The following TRIM27 variants were observed in gnomAD, a reference collection of about 807,000 sequenced individuals.
TRIM27 encodes tripartite motif containing 27, also known as zinc finger protein RFP.
Under a neutral mutation model 57.6 loss-of-function variants are expected in TRIM27, and 12 were observed. The observed-to-expected ratio is 0.21, with a 90% CI of 0.13 to 0.34. The LOEUF is 0.34. Ranked by LOEUF, TRIM27 falls within the 10% of genes least tolerant of loss-of-function variation. The probability of loss-of-function intolerance (pLI) is 1.00; values close to 1 mark genes in which losing one functional copy is unlikely to be tolerated. For missense variants in TRIM27, 403 were observed against 656.8 expected (o/e 0.61, Z 4.22); for synonymous variants, 266 against 259.0 (o/e 1.03, Z -0.26).
intron 3 of TRIM27, among the ~76,000 whole-genome samples, chr6:28,916,131 G>A (rs1773583521): frequency 2.0e-5 from 3 of 152,030 alleles, no homozygotes; most frequent in African/African-American, 7.2e-5. Context: ...TGGCCAGGCT[G>A]GTCTCGAACT....
chr6:28,919,837 C>A (rs570579504), intron 3 of TRIM27, among the ~76,000 whole-genome samples, 175 bp downstream of exon 3: 1 of 152,332 alleles, frequency 6.6e-6, no homozygotes, highest in South Asian at 2.1e-4. Flanking sequence ...GTTGTGTGAA[C>A]CAGAACTTCT....
chr6:28,920,560 G>A (rs1185841999), intron 2 of TRIM27, among the ~76,000 whole-genome samples: 1 of 152,174 alleles, frequency 6.6e-6, no homozygotes, highest in African/African-American at 2.4e-5. Flanking sequence ...CATCTTCACA[G>A]AAGCAATTTC....
chr6:28,918,845 C>T (rs1773812400), intron 3 of TRIM27, among the ~76,000 whole-genome samples: 1 of 151,850 alleles, frequency 6.6e-6, no homozygotes. Flanking sequence ...CACTGCACTC[C>T]AGCCTGGGCA....
chr6:28,922,097 G>A, intron 1 of TRIM27, 110 bp from the exon 2 acceptor site: 1 of 830,534 alleles, frequency 1.2e-6, no homozygotes, highest in Middle Eastern at 2.2e-4. Context: ...GTCTCCAGTT[G>A]GCGCTTGTCC....
intron 6 of TRIM27, 98 bp from the exon 7 acceptor site, chr6:28,907,360 C>T (rs1487851143): frequency 8.6e-7 from 1 of 1,162,826 alleles, no homozygotes; most frequent in Non-Finnish European, 1.3e-6. Flanking sequence ...GCAGTGGTCT[C>T]CACCAGAAAC....
At chr6:28,918,227 T>G (rs1207912281) in intron 3 of TRIM27, among the ~76,000 whole-genome samples, 1 of 152,178 alleles carries the variant, frequency 6.6e-6, no homozygotes, top group Non-Finnish European at 1.5e-5. Context: ...AACTTCTAGT[T>G]TCTTTAACCA....
rs1454983631 is a variant in TRIM27 at position 28,923,435 on chromosome 6, C to G, written c.198G>C (p.Arg66=). ...TCACGTTGGCCAGGTGCCGGTTGGG[C>G]CGCATGTGCCTCTGCGGGAAGGTCT... ...CRETFPQRHM[R]PNRHLANVTQ... The change falls in exon 1 of 8, where the codon CGG becomes CGC. Residue 66 remains arginine (R), a synonymous_variant. Transcript: ENST00000377199. 1.2e-6 allele frequency: 2 copies of G among 1,612,156 alleles called. No individual in the cohort carries two copies. The highest frequency in any genetic ancestry group is 3.3e-5 in the Admixed American group (2 of 59,978).
chr6:28,920,294 G>C, intron 2 of TRIM27, 52 bp from the exon 3 acceptor site: 1 of 1,466,604 alleles, frequency 6.8e-7, no homozygotes. Flanking sequence ...TCATTTCTAG[G>C]GCCTTCATAG....
At chr6:28,912,437 T>C (rs1481692240) in intron 3 of TRIM27, among the ~76,000 whole-genome samples, 1 of 151,728 alleles carries the variant, frequency 6.6e-6, no homozygotes, top group Non-Finnish European at 1.5e-5. Context: ...AAAAGTAGCA[T>C]ACTCTTGTCA....
chr6:28,917,438 C>T (rs999304556), intron 3 of TRIM27, among the ~76,000 whole-genome samples: 6 of 151,762 alleles, frequency 4.0e-5, no homozygotes, highest in Non-Finnish European at 5.9e-5. Flanking sequence ...ATTAGCTGGG[C>T]GTGGTGGCAC....
At chr6:28,908,462 T>C (rs1772938946) in intron 6 of TRIM27, 1 of 258,354 alleles carries the variant, frequency 3.9e-6, no homozygotes, top group Non-Finnish European at 7.4e-6. Context: ...ACTCAGTAAA[T>C]TACAATGATA....
intron 4 of TRIM27, among the ~76,000 whole-genome samples, chr6:28,911,037 C>T (rs1773165079): frequency 6.6e-6 from 1 of 152,078 alleles, no homozygotes; most frequent in African/African-American, 2.4e-5. Flanking sequence ...GTACAGCTTC[C>T]TCAAAGTCAG....
At chr6:28,908,429 A>G in intron 6 of TRIM27, 1 of 203,266 alleles carries the variant, frequency 4.9e-6, no homozygotes, top group East Asian at 1.2e-4. Flanking sequence ...CCGAGCTGGC[A>G]CCTGTGCCCA....
Position 28,921,873 on chromosome 6 carries a change from G to A in TRIM27, c.516+19C>T. The A allele has an allele frequency of 6.3e-7, 1 of 1,598,646 alleles. No individual in the cohort carries two copies. Among genetic ancestry groups the A allele is most frequent in the Non-Finnish European group, 8.6e-7 (1 of 1,167,120 alleles). On this transcript the variant is annotated intron_variant, in intron 2 of 7. Coordinates refer to ENST00000377199, the MANE Select transcript of TRIM27 (RefSeq NM_006510.5). ...GGAGAGCACCAGCAGAACCAACTGT[G>A]AATTCCAACAACCCTTACCAAGAGT...
chr6:28,912,295 A>T (rs964515950), intron 3 of TRIM27, among the ~76,000 whole-genome samples: 1 of 152,116 alleles, frequency 6.6e-6, no homozygotes, highest in African/African-American at 2.4e-5. Flanking sequence ...TTTTTAGCAC[A>T]GACAGCATTT....
At chr6:28,915,312 A>G (rs1773521617) in intron 3 of TRIM27, 1 of 150,692 alleles carries the variant, frequency 6.6e-6, no homozygotes, top group Non-Finnish European at 1.5e-5. Context: ...AAAAAAAAAA[A>G]AAAAAGAAGC....
chr6:28,904,274 C>G lies in TRIM27; in HGVS notation c.1338G>C (p.Glu446Asp). The change falls in exon 8 of 8, where the codon GAG (glutamate) becomes GAC (aspartate). Residue 446 changes from glutamate to aspartate, a missense_variant. Transcript: ENST00000377199. This position sits in a 1 kb window ranked among gnomAD's most constrained non-coding sequence, Gnocchi z 6.1. ...TCTCTGTCACGTTGTAGAAGGAGAC[C>G]TCACCAGCATCATAGTCCAAGAAAA... ...VGIFLDYDAGEVSFYNVTERC... is the reference protein window; with the variant it reads ...VGIFLDYDAGDVSFYNVTERC... 6.2e-7 allele frequency: 1 copy of G among 1,613,102 alleles called. No individual in the cohort carries two copies. The highest frequency in any genetic ancestry group is 8.5e-7 in the Non-Finnish European group (1 of 1,180,024).
rs1273141244 is a variant in TRIM27, at chr6:28,923,726, T to C, written c.-94A>G. ...GGCGCTCTCTCCGGTTCGCTGTTCC[T>C]GAGAGGCACCGGGCGGACGGAGGGC... is the stretch of plus-strand genomic sequence containing the variant. On this transcript the variant is annotated 5_prime_UTR_variant, in exon 1 of 8. Transcript: ENST00000377199. 3 of 1,345,880 alleles carry C rather than the reference T, an allele frequency of 2.2e-6. No individual in the cohort carries two copies. The highest frequency in any genetic ancestry group is 2.0e-6 in the Non-Finnish European group (2 of 1,015,316). 83.4% of individuals were successfully genotyped at this position (1,345,880 alleles called of 1,614,324 possible).
At position 28,923,968 on chromosome 6, in the gene TRIM27, G is replaced by C. The variant is rs376772049; in HGVS notation, c.-336C>G. The C allele has an allele frequency of 9.7e-4, 333 of 343,822 alleles. 1 individual carries two copies. The highest frequency in any genetic ancestry group is 5.8e-3 in the South Asian group (50 of 8,574). The allele number at this position is 343,822 out of a possible 1,614,324, so 21.3% of individuals were successfully genotyped here. ...CAAGACAACGTGGCCGCGTCCGAGC[G>C]GATGCCGGCGGCAGCGTAAACCCCA... On this transcript the variant is annotated 5_prime_UTR_variant, in exon 1 of 8. Transcript: ENST00000377199.
Sources: gnomAD v4.1 joint callset for allele counts (sites outside exome capture counted in the v4.1 genomes callset) on GRCh38, gnomAD v4.1.1 for gene constraint, Gnocchi (gnomAD v3.1) non-coding constraint, MANE v1.5 for transcripts, NCBI Gene and HGNC (gene_info 2026-07-23, HGNC 2026-07-21) for gene names.